The following FBLN7 variants were observed in gnomAD, a reference collection of about 807,000 sequenced individuals.
FBLN7 encodes fibulin 7, also known as fibulin-7.
In FBLN7, 31 loss-of-function variants were observed where a neutral mutation model predicts 44.0. The ratio of observed to expected loss-of-function variants is 0.70; its 90% CI spans 0.53 to 0.95. The LOEUF (loss-of-function observed/expected upper bound fraction) is 0.95. FBLN7 is among the 40% of genes least tolerant of loss of function. The probability of loss-of-function intolerance (pLI) is 0.00; values close to 1 mark genes in which losing one functional copy is unlikely to be tolerated. For synonymous variants in FBLN7, 262 were observed against 253.4 expected, an observed-to-expected ratio of 1.03 and a Z score of -0.32; for missense variants, 573 against 618.5, an observed-to-expected ratio of 0.93 and a Z score of 0.78.
intron 2 of FBLN7, among the ~76,000 whole-genome samples, chr2:112,163,509 G>A (rs928248983): frequency 4.6e-5 from 7 of 152,158 alleles, no homozygotes; most frequent in Non-Finnish European, 8.8e-5. Flanking sequence ...TTCCCTCGTC[G>A]CCCATGCGTG....
At position 112,181,866 on chromosome 2, in the gene FBLN7, C is replaced by A. The variant is rs1319957567; in HGVS notation, c.660C>A (p.Ser220Arg). The A allele has an allele frequency of 1.3e-6, 2 of 1,531,236 alleles. No homozygotes were observed. The highest frequency in any genetic ancestry group is 2.0e-5 in the Admixed American group (1 of 50,214). 94.9% of individuals were successfully genotyped at this position (1,531,236 alleles called of 1,614,324 possible). A position where few individuals can be genotyped will look rare whatever the true frequency, so the allele number is the denominator to read the frequency against. Residue 220 changes from serine (S) to arginine (R), a missense_variant, in exon 5 of 8, where the codon AGC becomes AGA. Coordinates refer to ENST00000331203, the MANE Select transcript of FBLN7 (RefSeq NM_153214.3). ...GFHLSGAAGD[S>R]VCQDVNECEL... ...ACCTGAGCGGCGCCGCCGGCGACAGCGTCTGCCAGGGTAGGCGCGGGCTCC... is the reference window on the plus strand; with the variant it reads ...ACCTGAGCGGCGCCGCCGGCGACAGAGTCTGCCAGGGTAGGCGCGGGCTCC...
the FBLN7 span, among the ~76,000 whole-genome samples, chr2:112,232,367 T>C: frequency 6.6e-6 from 1 of 151,184 alleles, no homozygotes; most frequent in African/African-American, 2.4e-5. Flanking sequence ...TGGATTTCTC[T>C]ATTTAAAGTA....
chr2:112,181,600 C>G, intron 4 of FBLN7, 139 bp from the exon 5 acceptor site: 1 of 1,100,944 alleles, frequency 9.1e-7, no homozygotes, highest in Non-Finnish European at 1.2e-6. Flanking sequence ...GATTACTTGT[C>G]TCTCCTTTCC....
chr2:112,157,764 C>A (rs1164494229), intron 1 of FBLN7, among the ~76,000 whole-genome samples: 1 of 152,208 alleles, frequency 6.6e-6, no homozygotes, highest in Non-Finnish European at 1.5e-5. Flanking sequence ...CCATGCCCAG[C>A]TAATTTTTTA....
chr2:112,168,063 G>C lies in FBLN7; in HGVS notation c.406+2892G>C, dbSNP rs369911160. ...TGGAGGACCATGGTGCAGAGCAGAC[G>C]GTCCCACCTGCCAGGCGTCCAGCAA... On this transcript the variant is annotated intron_variant, in intron 3 of 7. Coordinates refer to ENST00000331203, the MANE Select transcript of FBLN7 (RefSeq NM_153214.3). Among the ~76,000 whole-genome samples, 73 of 152,242 alleles carry C rather than the reference G, an allele frequency of 4.8e-4. No homozygotes were observed. The South Asian group carries it at 8.1e-3, about 17-fold the overall frequency.
the FBLN7 span, among the ~76,000 whole-genome samples, chr2:112,208,311 G>A: frequency 6.6e-6 from 1 of 152,198 alleles, no homozygotes; most frequent in African/African-American, 2.4e-5. Flanking sequence ...AAAGGCAGGA[G>A]AATCGCTTGA....
the FBLN7 span, among the ~76,000 whole-genome samples, chr2:112,199,400 C>G: frequency 6.6e-6 from 1 of 152,304 alleles, no homozygotes; most frequent in South Asian, 2.1e-4. Context: ...AAACAAGCCA[C>G]AACTTTTCAA....
the FBLN7 span, among the ~76,000 whole-genome samples, chr2:112,226,324 C>A: frequency 0.021 from 3,154 of 151,934 alleles, 53 homozygotes; most frequent in South Asian, 0.048. Context: ...CGCGGTAGCT[C>A]ACGCCTGTAA....
At chr2:112,242,508 A>G in the FBLN7 span, among the ~76,000 whole-genome samples, 3 of 152,302 alleles carry the variant, frequency 2.0e-5, no homozygotes, top group Admixed American at 6.5e-5. Flanking sequence ...TGCTTCATTG[A>G]GTACCTCATG....
chr2:112,238,276 C>CTA, the FBLN7 span: 1 of 1,591,122 alleles, frequency 6.3e-7, no homozygotes, highest in Non-Finnish European at 8.6e-7. Context: ...GACTGCTTCT[C>CTA]TAGATAAACT....
chr2:112,178,904 G>GGAAAAAGCTGAAA, intron 4 of FBLN7, among the ~76,000 whole-genome samples: 1 of 151,904 alleles, frequency 6.6e-6, no homozygotes, highest in East Asian at 1.9e-4. Flanking sequence ...GTACGGAATG[G>GGAAAAAGCTGAAA]GCATTCTCCT....
chr2:112,142,446 G>A (rs999267326), intron 1 of FBLN7, among the ~76,000 whole-genome samples: 1 of 152,172 alleles, frequency 6.6e-6, no homozygotes, highest in Middle Eastern at 3.2e-3. Flanking sequence ...CCTTAAAGCA[G>A]TGTGAGCCCT....
At chr2:112,236,756 G>C in the FBLN7 span, 2 of 1,442,072 alleles carry the variant, frequency 1.4e-6, no homozygotes. Flanking sequence ...TTACTTTTAA[G>C]AAGTACGGGG....
At chr2:112,236,547 C>T in the FBLN7 span, 3 of 1,610,418 alleles carry the variant, frequency 1.9e-6, no homozygotes, top group African/African-American at 4.0e-5. Flanking sequence ...TTCCTAGAAG[C>T]ATATATTCCA....
the FBLN7 span, among the ~76,000 whole-genome samples, chr2:112,236,103 A>C: frequency 2.6e-5 from 4 of 152,154 alleles, no homozygotes; most frequent in Non-Finnish European, 2.9e-5. Flanking sequence ...GTCTCTACTA[A>C]AAATACAAAA....
Position 112,138,511 on chromosome 2 carries a change from C to T in FBLN7, c.-145C>T. ...CCGCGGGACGCGCTGCGCTCGGGGC[C>T]TCCCGCCTCCCCCCCTGCCCCAGCC... On this transcript the variant is annotated 5_prime_UTR_variant, in exon 1 of 8. Coordinates refer to ENST00000331203, the MANE Select transcript of FBLN7 (RefSeq NM_153214.3). The T allele has an allele frequency of 8.8e-7, 1 of 1,131,110 alleles. No homozygotes were observed. Among genetic ancestry groups the T allele is most frequent in the Non-Finnish European group, 1.2e-6 (1 of 844,504 alleles). 70.1% of individuals were successfully genotyped at this position (1,131,110 alleles called of 1,614,324 possible).
chr2:112,180,529 A>G (rs1682927328), intron 4 of FBLN7, among the ~76,000 whole-genome samples: 1 of 152,212 alleles, frequency 6.6e-6, no homozygotes, highest in South Asian at 2.1e-4. Flanking sequence ...TCTACCATAA[A>G]GACACATGCA....
In FBLN7 at chr2:112,170,198, C is replaced by T. The variant is rs1197850076; in HGVS notation, c.406+5027C>T. Among the ~76,000 whole-genome samples, 4 of 148,060 alleles carry T rather than the reference C, an allele frequency of 2.7e-5. No homozygotes were observed. In the East Asian group the frequency reaches 8.1e-4, roughly 30 times the overall value. ...CGGAGATTGCAGTGAGCTGAGATCG[C>T]ACCATTGCACTCCAGCCTGGGTGAC... is the stretch of plus-strand genomic sequence containing the variant. On this transcript the variant is annotated intron_variant, in intron 3 of 7. Coordinates refer to ENST00000331203, the MANE Select transcript of FBLN7 (RefSeq NM_153214.3).
At chr2:112,159,870 C>A in intron 2 of FBLN7, 35 bp downstream of exon 2, 2 of 1,486,438 alleles carry the variant, frequency 1.3e-6, no homozygotes, top group South Asian at 1.3e-5. Context: ...GGGGCGGCAG[C>A]GCAGCACTCG....
Sources: gnomAD v4.1 joint callset for allele counts (sites outside exome capture counted in the v4.1 genomes callset) on GRCh38, gnomAD v4.1.1 for gene constraint, MANE v1.5 for transcripts, NCBI Gene and HGNC (gene_info 2026-07-23, HGNC 2026-07-21) for gene names.